The following LILRB1 variants were observed in gnomAD, a reference collection of about 807,000 sequenced individuals.
LILRB1 encodes the protein leukocyte immunoglobulin like receptor B1, also known as leukocyte immunoglobulin-like receptor subfamily B member 1.
LILRB1 carries 59 observed loss-of-function variants against 74.6 expected under a neutral mutation model. The observed-to-expected ratio is 0.79, with a 90% CI of 0.64 to 0.98. The LOEUF (loss-of-function observed/expected upper bound fraction) is 0.98, where lower values mean the gene tolerates loss of function less well. LILRB1 is among the 50% of genes least tolerant of loss of function. The pLI, the probability that LILRB1 is intolerant of heterozygous loss-of-function variation, is 0.00. For synonymous variants in LILRB1, 328 were observed against 333.9 expected (o/e 0.98, Z 0.19); for missense variants, 804 against 822.6 (o/e 0.98, Z 0.28).
chr19:54,631,957 C>A lies in LILRB1; in HGVS notation c.381C>A (p.Leu127=). ...VVTGAYIKPT[L]SAQPSPVVNS... is the part of the protein sequence containing the mutation. Reference sequence around the variant, plus strand: ...TAGGAGCCTACATCAAACCCACCCTCTCAGCCCAGCCCAGCCCCGTGGTGA... The same window carrying A: ...TAGGAGCCTACATCAAACCCACCCTATCAGCCCAGCCCAGCCCCGTGGTGA... Residue 127 remains leucine (L), a synonymous_variant, in exon 5 of 15, where the codon CTC becomes CTA. Coordinates refer to ENST00000324602, the MANE Select transcript of LILRB1 (RefSeq NM_001081637.3). 1 of 1,613,300 alleles carries A rather than the reference C, an allele frequency of 6.2e-7. No homozygotes were observed. The highest frequency in any genetic ancestry group is 8.5e-7 in the Non-Finnish European group (1 of 1,179,372).
chr19:54,617,730 C>T (rs1204099411), intron 1 of LILRB1, among the ~76,000 whole-genome samples: 1 of 152,096 alleles, frequency 6.6e-6, no homozygotes, highest in East Asian at 1.9e-4. Flanking sequence ...ATTTTTTCTC[C>T]TAAAAAGTGT....
chr19:54,635,305 G>C lies in LILRB1; in HGVS notation c.1600+9G>C. The C allele has an allele frequency of 6.2e-7, 1 of 1,613,376 alleles. No individual in the cohort carries two copies. Among genetic ancestry groups the C allele is most frequent in the African/African-American group, 1.3e-5 (1 of 75,026 alleles). ...CCAGGAAGAAAACCTCTGTGAGTGA[G>C]AGGAAGAGGTGACCAGCCAGGAGGG... is the stretch of plus-strand genomic sequence containing the variant. On this transcript the variant is annotated intron_variant, in intron 12 of 14. Coordinates refer to ENST00000324602, the MANE Select transcript of LILRB1 (RefSeq NM_001081637.3).
intron 10 of LILRB1, 35 bp downstream of exon 10, chr19:54,634,798 C>T (rs753182726): frequency 3.2e-5 from 52 of 1,607,400 alleles, no homozygotes; most frequent in Non-Finnish European, 3.9e-5. Flanking sequence ...GAGGGCTGAC[C>T]GAGGGTGGGC....
intron 1 of LILRB1, among the ~76,000 whole-genome samples, chr19:54,622,816 A>G (rs2063489131): frequency 6.6e-6 from 1 of 152,094 alleles, no homozygotes. Context: ...TTTGTCTTAT[A>G]AGGCTCTTAT....
intron 9 of LILRB1, 87 bp downstream of exon 9, chr19:54,634,108 T>A: frequency 6.5e-7 from 1 of 1,545,038 alleles, no homozygotes; most frequent in East Asian, 2.4e-5. Context: ...CCTCTGGAGG[T>A]GGTGATATAG....
intron 1 of LILRB1, among the ~76,000 whole-genome samples, chr19:54,620,382 T>G (rs540683705): frequency 6.6e-6 from 1 of 151,850 alleles, no homozygotes; most frequent in African/African-American, 2.4e-5. Flanking sequence ...TGAGATGGAG[T>G]CTTGCTCTGT....
chr19:54,634,364 C>T, intron 9 of LILRB1: 4 of 1,539,028 alleles, frequency 2.6e-6, no homozygotes, highest in Non-Finnish European at 3.5e-6. Flanking sequence ...TTCCCTGCAG[C>T]TCCGGGGCTC....
chr19:54,633,754 A>G (rs1332202224), intron 8 of LILRB1, 66 bp downstream of exon 8: 13 of 1,539,912 alleles, frequency 8.4e-6, no homozygotes, highest in Non-Finnish European at 1.1e-5. Context: ...TGGGTCTCCC[A>G]GAGAATCCCA....
At position 54,632,756 on chromosome 19, in the gene LILRB1, C is replaced by T. The variant is rs61737955; in HGVS notation, c.954C>T (p.Ile318=). 2 of 1,611,944 alleles carry T rather than the reference C, an allele frequency of 1.2e-6. No individual in the cohort carries two copies. The highest frequency in any genetic ancestry group is 1.7e-6 in the Non-Finnish European group (2 of 1,179,934). The part of the protein sequence containing the change: ...SAPSDPLDIL[I]AGQFYDRVSL... ...CCAGCGACCCCCTGGACATCCTGAT[C>T]GCAGGTGAGGAGCCCAGCGGGTTCA... is the stretch of plus-strand genomic sequence containing the variant. The change falls in exon 6 of 15, where the codon ATC becomes ATT. Residue 318 remains isoleucine (I), a synonymous_variant. Coordinates refer to ENST00000324602, the MANE Select transcript of LILRB1 (RefSeq NM_001081637.3).
intron 1 of LILRB1, among the ~76,000 whole-genome samples, chr19:54,624,618 T>A (rs1011691071): frequency 6.6e-6 from 1 of 152,074 alleles, no homozygotes; most frequent in Non-Finnish European, 1.5e-5. Context: ...GGGTGAGTGG[T>A]CAGGTGCCAG....
Position 54,636,517 on chromosome 19 carries a change from C to A in LILRB1, c.1677C>A (p.Pro559=), listed in dbSNP as rs770620103. The stretch of plus-strand genomic sequence containing the variant: ...AGCAGAGCCCACACGATGAAGACCC[C>A]CAGGCAGTGACGTATGCCGAGGTGA... The part of the protein sequence containing the change: ...DTRQSPHDED[P]QAVTYAEVKH... The change falls in exon 14 of 15, where the codon CCC becomes CCA. Residue 559 remains proline, a synonymous_variant. Coordinates refer to ENST00000324602, the MANE Select transcript of LILRB1 (RefSeq NM_001081637.3). The A allele has an allele frequency of 1.9e-6, 3 of 1,611,666 alleles. No individual in the cohort carries two copies. Among genetic ancestry groups the A allele is most frequent in the Admixed American group, 1.7e-5 (1 of 59,988 alleles).
chr19:54,631,820 C>T (rs770867439), intron 4 of LILRB1, 33 bp downstream of exon 4: 11 of 1,610,474 alleles, frequency 6.8e-6, no homozygotes, highest in Non-Finnish European at 7.6e-6. Context: ...CAGCCCCAGA[C>T]TCTGCCCTCA....
In LILRB1 at chr19:54,631,117, G is replaced by A. The variant is rs777551267; in HGVS notation, c.34+10G>A. 10 of 1,614,066 alleles carry A rather than the reference G, an allele frequency of 6.2e-6. No individual in the cohort carries two copies. The highest frequency in any genetic ancestry group is 1.7e-4 in the Middle Eastern group (1 of 6,060). ...GTCCTGATCTGTCTCGGTGAGATTT[G>A]AAGAAGGAGGGGAGCTTCTAACCTA... On this transcript the variant is annotated intron_variant, in intron 2 of 14. Transcript: ENST00000324602.
rs202014540 is a variant in LILRB1, at chr19:54,636,884, G to T, written c.*6G>T. The T allele has an allele frequency of 8.1e-6, 13 of 1,613,472 alleles. No homozygotes were observed. Among genetic ancestry groups the T allele is most frequent in the Admixed American group, 1.7e-5 (1 of 59,996 alleles). On this transcript the variant is annotated 3_prime_UTR_variant, in exon 15 of 15. Coordinates refer to ENST00000324602, the MANE Select transcript of LILRB1 (RefSeq NM_001081637.3). ...CCACTCTGGCCATCCACTAGCCCAG[G>T]GGGGGACGCAGACCCCACACTCCAT... is the stretch of plus-strand genomic sequence containing the variant.
intron 6 of LILRB1, 53 bp downstream of exon 6, chr19:54,632,813 C>A: frequency 1.5e-6 from 2 of 1,294,050 alleles, no homozygotes; most frequent in Non-Finnish European, 2.0e-6. Flanking sequence ...CAGGCCCTGC[C>A]GGGGGAGCTC....
chr19:54,633,215 T>C lies in LILRB1; in HGVS notation c.1158T>C (p.Pro386=), dbSNP rs767779386. 9.9e-6 allele frequency: 16 copies of C among 1,614,198 alleles called. No homozygotes were observed. The highest frequency in any genetic ancestry group is 1.4e-5 in the Non-Finnish European group (16 of 1,180,028). ...QKYQAEFPMG[P]VTSAHAGTYR... is the part of the protein sequence containing the mutation. ...ACCAGGCTGAATTCCCCATGGGTCCTGTGACCTCAGCCCATGCGGGGACCT... is the reference window on the plus strand; with the variant it reads ...ACCAGGCTGAATTCCCCATGGGTCCCGTGACCTCAGCCCATGCGGGGACCT... The change falls in exon 7 of 15, where the codon CCT becomes CCC. Residue 386 remains proline (P), a synonymous_variant. Transcript: ENST00000324602.
At chr19:54,621,663 T>A (rs1049344045) in intron 1 of LILRB1, among the ~76,000 whole-genome samples, 1 of 152,212 alleles carries the variant, frequency 6.6e-6, no homozygotes, top group African/African-American at 2.4e-5. Flanking sequence ...GTTGATTGTT[T>A]CTTTTGCTGT....
Position 54,636,937 on chromosome 19 carries a change from C to A in LILRB1, c.*59C>A, listed in dbSNP as rs1230580565. On this transcript the variant is annotated 3_prime_UTR_variant, in exon 15 of 15. Coordinates refer to ENST00000324602, the MANE Select transcript of LILRB1 (RefSeq NM_001081637.3). ...AGTCTGGAATGCATGGGAGCTGCCC[C>A]CCCAGTGGACACCATTGGACCCCAC... 1 of 1,604,456 alleles carries A rather than the reference C, an allele frequency of 6.2e-7. No homozygotes were observed. Among genetic ancestry groups the A allele is most frequent in the Non-Finnish European group, 8.5e-7 (1 of 1,174,006 alleles).
rs748534366 is a variant in LILRB1 at position 54,636,886 on chromosome 19, G to C, written c.*8G>C. 7 of 1,613,470 alleles carry C rather than the reference G, an allele frequency of 4.3e-6. No individual in the cohort carries two copies. The South Asian group carries it at 6.6e-5, about 15-fold the overall frequency. ...ACTCTGGCCATCCACTAGCCCAGGG[G>C]GGGACGCAGACCCCACACTCCATGG... is the stretch of plus-strand genomic sequence containing the variant. On this transcript the variant is annotated 3_prime_UTR_variant, in exon 15 of 15. Transcript: ENST00000324602.
Sources: gnomAD v4.1 joint callset for allele counts (sites outside exome capture counted in the v4.1 genomes callset) on GRCh38, gnomAD v4.1.1 for gene constraint, MANE v1.5 for transcripts, NCBI Gene and HGNC (gene_info 2026-07-23, HGNC 2026-07-21) for gene names.